CHUK: variants seen among roughly 807,000 people sequenced by gnomAD.
The protein encoded by CHUK is component of inhibitor of nuclear factor kappa B kinase complex, also known as inhibitor of nuclear factor kappa-B kinase subunit alpha.
A neutral mutation model predicts 104.8 loss-of-function variants in CHUK; 35 were observed. The observed-to-expected ratio is 0.33, with a 90% CI of 0.26 to 0.44. The LOEUF is 0.44. Ranked by LOEUF, CHUK falls within the 20% of genes least tolerant of loss-of-function variation. CHUK has a pLI of 1.00. For synonymous variants in CHUK, 276 were observed against 291.9 expected, an observed-to-expected ratio of 0.95 and a Z score of 0.56; for missense variants, 663 against 902.7, an observed-to-expected ratio of 0.73 and a Z score of 3.40.
chr10:100,192,287 A>C (rs1032335934), intron 19 of CHUK, among the ~76,000 whole-genome samples: 2 of 152,274 alleles, frequency 1.3e-5, no homozygotes, highest in Admixed American at 1.3e-4. Context: ...CAAAAAAGTA[A>C]GTAAAGTATT....
intron 15 of CHUK, among the ~76,000 whole-genome samples, chr10:100,200,342 T>G (rs1375116288): frequency 1.3e-5 from 2 of 152,096 alleles, no homozygotes; most frequent in Non-Finnish European, 2.9e-5. Context: ...CAGAAAAAAT[T>G]TCAAGTTTTA....
chr10:100,202,278 G>A, intron 13 of CHUK, 129 bp from the exon 14 acceptor site: 1 of 710,518 alleles, frequency 1.4e-6, no homozygotes, highest in South Asian at 1.5e-5. Context: ...AAAGATATGT[G>A]GAATTCCTAA....
chr10:100,207,434 G>A (rs753371027), intron 10 of CHUK, 102 bp from the exon 11 acceptor site: 2 of 690,112 alleles, frequency 2.9e-6, no homozygotes, highest in Non-Finnish European at 5.2e-6. Context: ...AAATGCAAAT[G>A]AACAAAATCA....
rs17885390 is a variant in CHUK, at chr10:100,211,635, T to C, written c.934-1846A>G. On this transcript the variant is annotated intron_variant, in intron 9 of 20. Coordinates refer to ENST00000370397, the MANE Select transcript of CHUK (RefSeq NM_001278.5). ...TTACTTAACATGTCCTCCAGGTTCA[T>C]CCACATTGTCCTAAATGGCAGAATT... 2.8e-3 allele frequency among the ~76,000 whole-genome samples: 433 copies of C among 152,350 alleles called. 7 individuals are homozygous for C. Among genetic ancestry groups the C allele is most frequent in the African/African-American group, 9.6e-3 (400 of 41,572 alleles).
intron 16 of CHUK, among the ~76,000 whole-genome samples, chr10:100,199,238 A>G (rs1355292210): frequency 1.3e-5 from 2 of 152,186 alleles, no homozygotes; most frequent in Non-Finnish European, 2.9e-5. Flanking sequence ...TTTCAAAGCA[A>G]TCTGCTTTGG....
intron 20 of CHUK, 91 bp from the exon 21 acceptor site, chr10:100,189,718 A>G: frequency 3.4e-6 from 3 of 870,646 alleles, no homozygotes; most frequent in Non-Finnish European, 5.8e-6. Flanking sequence ...CTGTTTGGAC[A>G]TTTCATAATC....
At chr10:100,212,593 G>C (rs1313826537) in intron 9 of CHUK, among the ~76,000 whole-genome samples, 1 of 152,130 alleles carries the variant, frequency 6.6e-6, no homozygotes, top group Admixed American at 6.5e-5. Context: ...CCATGGGTTG[G>C]GTTGCTTTTT....
chr10:100,190,917 T>G lies in CHUK; in HGVS notation c.2160A>C (p.Leu720Phe), dbSNP rs1177456792. Residue 720 changes from leucine (L) to phenylalanine (F), a missense_variant, in exon 20 of 21, where the codon TTA becomes TTC. Transcript: ENST00000370397. Reference protein sequence around the residue: ...IEENLNCLGHLSTIIHEANEE... With the variant: ...IEENLNCLGHFSTIIHEANEE... The stretch of plus-strand genomic sequence containing the variant: ...CATTTGCCTCATGAATAATAGTGCT[T>G]AAATGGCCAAGGCAGTTCAAATTTT... 1.9e-6 allele frequency: 3 copies of G among 1,612,820 alleles called. No individual in the cohort carries two copies. The highest frequency in any genetic ancestry group is 2.5e-6 in the Non-Finnish European group (3 of 1,178,874).
intron 16 of CHUK, among the ~76,000 whole-genome samples, chr10:100,198,319 C>T (rs1845383757): frequency 6.6e-6 from 1 of 152,108 alleles, no homozygotes; most frequent in South Asian, 2.1e-4. Flanking sequence ...GAGTACTTCC[C>T]ATTTCATCAC....
At position 100,209,846 on chromosome 10, in the gene CHUK, G is replaced by A. The variant is rs939603504; in HGVS notation, c.934-57C>T. The A allele has an allele frequency of 1.9e-5, 15 of 786,550 alleles. No homozygotes were observed. The South Asian group carries it at 2.0e-4, about 10-fold the overall frequency. 48.7% of individuals were successfully genotyped at this position (786,550 alleles called of 1,614,324 possible). On this transcript the variant is annotated intron_variant, in intron 9 of 20. Transcript: ENST00000370397. ...TGATTATTTGTTACATAAAAGATTCGCTGCCAGATACTAAAAGGTGAATAT... is the reference window on the plus strand; with the variant it reads ...TGATTATTTGTTACATAAAAGATTCACTGCCAGATACTAAAAGGTGAATAT...
chr10:100,210,885 G>T (rs1010666446), intron 9 of CHUK, among the ~76,000 whole-genome samples: 1 of 152,124 alleles, frequency 6.6e-6, no homozygotes, highest in East Asian at 1.9e-4. Flanking sequence ...CTGTCAGCGC[G>T]GACAGCCACA....
At chr10:100,229,210 C>A (rs1464254590) in intron 1 of CHUK, among the ~76,000 whole-genome samples, 2 of 152,124 alleles carry the variant, frequency 1.3e-5, no homozygotes, top group African/African-American at 4.8e-5. Context: ...CCAAGTTCCC[C>A]GCAACAGCTC....
At chr10:100,208,274 T>C (rs375845932) in intron 10 of CHUK, among the ~76,000 whole-genome samples, 3 of 152,088 alleles carry the variant, frequency 2.0e-5, no homozygotes, top group East Asian at 3.9e-4. Context: ...ACCCCGCTAA[T>C]TTTTGTAGTT....
chr10:100,194,280 G>T, intron 17 of CHUK, 145 bp downstream of exon 17: 1 of 1,072,552 alleles, frequency 9.3e-7, no homozygotes, highest in Non-Finnish European at 1.4e-6. Flanking sequence ...ACACATAAAT[G>T]CAGATAGCTA....
chr10:100,190,630 A>C (rs1235379447), intron 20 of CHUK: 1 of 528,254 alleles, frequency 1.9e-6, no homozygotes, highest in East Asian at 3.5e-5. Flanking sequence ...GAAGCTTACC[A>C]CTCATTTAAT....
intron 19 of CHUK, chr10:100,192,973 G>A (rs911540143): frequency 3.1e-6 from 1 of 322,472 alleles, no homozygotes; most frequent in Non-Finnish European, 5.8e-6. Context: ...GCCAATAAAA[G>A]AAAGGACTTA....
chr10:100,222,378 CA>C (rs1309724958), intron 3 of CHUK, among the ~76,000 whole-genome samples, 197 bp from the exon 4 acceptor site: 1 of 151,542 alleles, frequency 6.6e-6, no homozygotes, highest in Non-Finnish European at 1.5e-5. Context: ...TAAAAAGAGG[CA>C]AAAAGCATTT....
At chr10:100,207,139 A>C in intron 11 of CHUK, 91 bp downstream of exon 11, 3 of 750,238 alleles carry the variant, frequency 4.0e-6, no homozygotes, top group Non-Finnish European at 7.3e-6. Context: ...ACAGAACACA[A>C]CACCAAAAGT....
intron 17 of CHUK, 126 bp downstream of exon 17, chr10:100,194,299 C>G (rs547399107): frequency 9.6e-7 from 1 of 1,039,926 alleles, no homozygotes; most frequent in Non-Finnish European, 1.5e-6. Context: ...TATGGCCAAG[C>G]TACCCAAGGT....
Sources: allele counts gnomAD v4.1 joint callset (sites outside exome capture counted in the v4.1 genomes callset), GRCh38; gene constraint gnomAD v4.1.1; transcripts MANE v1.5; gene names NCBI Gene and HGNC (gene_info 2026-07-23, HGNC 2026-07-21).